The following NCAM1 variants were observed in gnomAD, a reference collection of about 807,000 sequenced individuals.
NCAM1 encodes the protein antigen recognized by monoclonal antibody 5.1H11.
NCAM1 carries 14 observed loss-of-function variants against 109.8 expected under a neutral mutation model. That is an observed-to-expected ratio of 0.13 (90% CI 0.08 to 0.20). The LOEUF (loss-of-function observed/expected upper bound fraction) is 0.20. NCAM1 is among the 10% of genes least tolerant of loss of function. The pLI, the probability that NCAM1 is intolerant of heterozygous loss-of-function variation, is 1.00. For missense variants in NCAM1, 774 were observed against 1,109.9 expected (o/e 0.70, Z 4.30); for synonymous variants, 418 against 442.9 (o/e 0.94, Z 0.70).
chr11:112,967,716 T>G (rs1441640525), intron 1 of NCAM1, among the ~76,000 whole-genome samples: 1 of 152,194 alleles, frequency 6.6e-6, no homozygotes, highest in Non-Finnish European at 1.5e-5. Flanking sequence ...AAAAGGGTAT[T>G]ATGATACACA....
intron 14 of NCAM1, chr11:113,240,534 C>A: frequency 2.0e-6 from 1 of 510,286 alleles, no homozygotes; most frequent in Non-Finnish European, 3.4e-6. Context: ...GCTTGTGCAG[C>A]TGTTCCTGGC....
chr11:113,204,425 C>A lies in NCAM1; in HGVS notation c.267C>A (p.Asp89Glu), dbSNP rs200538356. ...STLTIYNANIDDAGIYKCVVT... is the reference protein window; with the variant it reads ...STLTIYNANIEDAGIYKCVVT... ...TCACCATCTATAACGCCAACATCGACGACGCCGGCATTTACAAGTGTGTGG... is the reference window on the plus strand; with the variant it reads ...TCACCATCTATAACGCCAACATCGAAGACGCCGGCATTTACAAGTGTGTGG... The change falls in exon 3 of 20, where the codon GAC becomes GAA. Residue 89 changes from aspartate (D) to glutamate (E), a missense_variant. Asp to Glu is a conservative substitution (Grantham distance 45, BLOSUM62 2). Coordinates refer to ENST00000316851, the MANE Select transcript of NCAM1 (RefSeq NM_181351.5). 6.2e-7 allele frequency: 1 copy of A among 1,613,978 alleles called. No individual in the cohort carries two copies. Among genetic ancestry groups the A allele is most frequent in the Non-Finnish European group, 8.5e-7 (1 of 1,179,888 alleles).
intron 14 of NCAM1, chr11:113,236,233 A>ATT: frequency 2.6e-5 from 35 of 1,354,980 alleles, no homozygotes; most frequent in African/African-American, 1.8e-4. Flanking sequence ...TTTACATCTT[A>ATT]TTTTTTTTTT....
At chr11:113,198,995 G>C (rs201763443) in intron 1 of NCAM1, among the ~76,000 whole-genome samples, 2 of 152,188 alleles carry the variant, frequency 1.3e-5, no homozygotes, top group East Asian at 3.9e-4. Context: ...AAGAGGGCTT[G>C]GGGGATGAGT....
intron 1 of NCAM1, among the ~76,000 whole-genome samples, chr11:113,146,662 T>C (rs1942028841): frequency 6.6e-6 from 1 of 152,216 alleles, no homozygotes; most frequent in African/African-American, 2.4e-5. Flanking sequence ...TAGTGAATGA[T>C]TGTGAGATAC....
intron 1 of NCAM1, among the ~76,000 whole-genome samples, chr11:113,019,030 T>C (rs887276877): frequency 4.6e-5 from 7 of 152,202 alleles, no homozygotes; most frequent in Non-Finnish European, 1.0e-4. Context: ...TGGTCATAGA[T>C]GAGAGGATCC....
intron 1 of NCAM1, among the ~76,000 whole-genome samples, chr11:113,169,056 GTGTGTGTGTGTGTGTC>G (rs782072302): frequency 6.2e-4 from 69 of 111,150 alleles, no homozygotes; most frequent in South Asian, 3.7e-3. Context: ...GTGTGTGTGT[GTGTGTGTGTGTGTGTC>G]TGTGTGTGTG....
chr11:113,083,218 C>T lies in NCAM1; in HGVS notation c.53-119161C>T, dbSNP rs1196570117. On this transcript the variant is annotated intron_variant, in intron 1 of 19. Transcript: ENST00000316851. The stretch of plus-strand genomic sequence containing the variant: ...CCATACACTACTAAACTCTTTACAT[C>T]CCTTCTATAATTTCATCCTTATAAC... Among the ~76,000 whole-genome samples, 9 of 152,130 alleles carry T rather than the reference C, an allele frequency of 5.9e-5. No homozygotes were observed. In the East Asian group the frequency reaches 1.7e-3, roughly 29 times the overall value.
chr11:113,137,958 T>G (rs1457294192), intron 1 of NCAM1, among the ~76,000 whole-genome samples: 1 of 152,122 alleles, frequency 6.6e-6, no homozygotes, highest in African/African-American at 2.4e-5. Flanking sequence ...CGTAGCATAC[T>G]TGGGAGCCAA....
intron 1 of NCAM1, among the ~76,000 whole-genome samples, chr11:113,092,600 T>C (rs1555089566): frequency 6.6e-6 from 1 of 152,120 alleles, no homozygotes; most frequent in African/African-American, 2.4e-5. Flanking sequence ...TATATGAAAG[T>C]CTATTATTGG....
At chr11:113,038,290 C>T (rs1555079494) in intron 1 of NCAM1, among the ~76,000 whole-genome samples, 1 of 152,184 alleles carries the variant, frequency 6.6e-6, no homozygotes, top group Non-Finnish European at 1.5e-5. Context: ...GGCCTCCTTG[C>T]CTTTTGTAGA....
At chr11:113,013,147 C>T (rs191944452) in intron 1 of NCAM1, among the ~76,000 whole-genome samples, 38 of 151,946 alleles carry the variant, frequency 2.5e-4, no homozygotes, top group African/African-American at 8.4e-4. Context: ...CAAAAGAAGG[C>T]GGGGTGCAGA....
chr11:113,043,621 C>A (rs1039614375), intron 1 of NCAM1, among the ~76,000 whole-genome samples: 4 of 152,214 alleles, frequency 2.6e-5, no homozygotes, highest in Non-Finnish European at 5.9e-5. Flanking sequence ...CAGGCATGAG[C>A]CACAGTGCCT....
intron 1 of NCAM1, among the ~76,000 whole-genome samples, chr11:113,034,864 A>G (rs1952819229): frequency 6.6e-6 from 1 of 152,188 alleles, no homozygotes; most frequent in South Asian, 2.1e-4. Context: ...TCAGGGCTGA[A>G]AAATAGTTTC....
rs782282074 is a variant in NCAM1, at chr11:112,961,564, G to GA, written c.-49_-48insA. 1.7e-6 allele frequency: 2 copies of GA among 1,180,216 alleles called. No individual in the cohort carries two copies. The highest frequency in any genetic ancestry group is 4.7e-5 in the East Asian group (2 of 42,798). The allele number at this position is 1,180,216 out of a possible 1,614,324, so 73.1% of individuals were successfully genotyped here. On this transcript the variant is annotated 5_prime_UTR_variant, in exon 1 of 20. Coordinates refer to ENST00000316851, the MANE Select transcript of NCAM1 (RefSeq NM_181351.5). The stretch of plus-strand genomic sequence containing the variant: ...GTCCACACTCGCTGCAGGGGGGGGG[G>GA]CACAGAATTTACCGCGGCAAGAACA...
intron 1 of NCAM1, among the ~76,000 whole-genome samples, chr11:113,167,552 A>AT: frequency 6.6e-6 from 1 of 151,424 alleles, no homozygotes; most frequent in East Asian, 1.9e-4. Context: ...TTAAAAAAAA[A>AT]AAATCACCAA....
chr11:113,153,412 T>C (rs780928523), intron 1 of NCAM1, among the ~76,000 whole-genome samples: 2 of 150,848 alleles, frequency 1.3e-5, no homozygotes, highest in Admixed American at 6.6e-5. Context: ...AAGTTGTTAC[T>C]GGGATTTGGC....
chr11:113,071,161 G>A (rs1488125898), intron 1 of NCAM1, among the ~76,000 whole-genome samples: 1 of 152,134 alleles, frequency 6.6e-6, no homozygotes, highest in Non-Finnish European at 1.5e-5. Flanking sequence ...TAGATGACAG[G>A]TGTTGGTATG....
At position 113,234,911 on chromosome 11, in the gene NCAM1, G is replaced by A. The variant is rs79779669; in HGVS notation, c.1694-122G>A. On this transcript the variant is annotated intron_variant, in intron 13 of 19. Coordinates refer to ENST00000316851, the MANE Select transcript of NCAM1 (RefSeq NM_181351.5). ...AATTCTATGCATATGCCCAGAAATA[G>A]AATTGCTGGACCAAATGATAAATCT... 2.3e-3 allele frequency: 3,007 copies of A among 1,286,400 alleles called. 36 individuals carry two copies. The African/African-American group carries it at 0.03, about 13-fold the overall frequency. 79.7% of individuals were successfully genotyped at this position (1,286,400 alleles called of 1,614,324 possible). A position where few individuals can be genotyped will look rare whatever the true frequency, so the allele number is the denominator to read the frequency against.
Sources: gnomAD v4.1 joint callset for allele counts (sites outside exome capture counted in the v4.1 genomes callset) on GRCh38, gnomAD v4.1.1 for gene constraint, MANE v1.5 for transcripts, NCBI Gene and HGNC (gene_info 2026-07-23, HGNC 2026-07-21) for gene names.